PRKCG: variants seen among roughly 807,000 people sequenced by gnomAD.
PRKCG encodes protein kinase C gamma.
A neutral mutation model predicts 82.0 loss-of-function variants in PRKCG; 28 were observed. The observed-to-expected ratio is 0.34, with a 90% CI of 0.25 to 0.47. PRKCG has a LOEUF of 0.47. Among genes scored for constraint, PRKCG ranks in the 20% least tolerant of loss-of-function variants. PRKCG has a pLI of 1.00. For synonymous variants in PRKCG, 383 were observed against 376.6 expected (o/e 1.02, Z -0.20); for missense variants, 640 against 952.7 (o/e 0.67, Z 4.32).
intron 16 of PRKCG, 41 bp downstream of exon 16, chr19:53,904,783 C>T: frequency 6.7e-7 from 1 of 1,490,130 alleles, no homozygotes; most frequent in Non-Finnish European, 9.3e-7. Context: ...GGCTCACAAC[C>T]ACACACCCCA....
At chr19:53,886,403 C>T (rs901276189) in intron 3 of PRKCG, among the ~76,000 whole-genome samples, 1 of 151,718 alleles carries the variant, frequency 6.6e-6, no homozygotes, top group Non-Finnish European at 1.5e-5. Flanking sequence ...CGCACCCAGC[C>T]GATTTTTGGG....
chr19:53,891,749 C>T lies in PRKCG; in HGVS notation c.605C>T (p.Pro202Leu). The change falls in exon 6 of 18, where the codon CCA becomes CTA. Residue 202 changes from proline (P) to leucine (L), a missense_variant. Pro to Leu is a moderately conservative substitution (Grantham distance 98). Transcript: ENST00000263431. ...SDPYVKLKLI[P>L]DPRNLTKQKT... is the part of the protein sequence containing the mutation. Reference sequence around the variant, plus strand: ...CCCTATGTGAAACTGAAGCTCATCCCAGACCCTCGGAACCTGACGAAACAG... The same window carrying T: ...CCCTATGTGAAACTGAAGCTCATCCTAGACCCTCGGAACCTGACGAAACAG... 1 of 1,614,130 alleles carries T rather than the reference C, an allele frequency of 6.2e-7. No homozygotes were observed.
chr19:53,884,295 C>T lies in PRKCG; in HGVS notation c.285+52C>T. On this transcript the variant is annotated intron_variant, in intron 3 of 17. Transcript: ENST00000263431. This position sits in a 1 kb window ranked among gnomAD's most constrained non-coding sequence, Gnocchi z 4.6. Reference sequence around the variant, plus strand: ...TCCTCGGGCCGTGCCCCCGCCCTCACCCCCTCGGCGTCCGTCCCAATTTCT... The same window carrying T: ...TCCTCGGGCCGTGCCCCCGCCCTCATCCCCTCGGCGTCCGTCCCAATTTCT... The T allele has an allele frequency of 6.5e-7, 1 of 1,532,722 alleles. No individual in the cohort carries two copies. Among genetic ancestry groups the T allele is most frequent in the Non-Finnish European group, 9.0e-7 (1 of 1,107,628 alleles). 94.9% of individuals were successfully genotyped at this position (1,532,722 alleles called of 1,614,324 possible).
At position 53,904,740 on chromosome 19, in the gene PRKCG, G is replaced by C. The variant is rs781476930; in HGVS notation, c.1762G>C (p.Gly588Arg). The C allele has an allele frequency of 1.9e-6, 3 of 1,612,858 alleles. No homozygotes were observed. The highest frequency in any genetic ancestry group is 3.3e-5 in the Admixed American group (2 of 59,942). The change falls in exon 16 of 18, where the codon GGG (glycine) becomes CGG (arginine). Residue 588 changes from glycine to arginine, a missense_variant and splice_region_variant. Physicochemically the swap from Gly to Arg is moderately radical, Grantham distance 125 (BLOSUM62 -2). Coordinates refer to ENST00000263431, the MANE Select transcript of PRKCG (RefSeq NM_002739.5). ...CCGGGAAGCCGTGGCCATCTGCAAG[G>C]GGGTGAGAGCCCCCTGACTCCCAGC... ...LSREAVAICK[G>R]FLTKHPGKRL...
rs758034841 is a variant in PRKCG, at chr19:53,906,921, C to T, written c.*26C>T. On this transcript the variant is annotated 3_prime_UTR_variant, in exon 18 of 18. Coordinates refer to ENST00000263431, the MANE Select transcript of PRKCG (RefSeq NM_002739.5). ...TCTCACCCGCCGCCACTAGGTGTCC[C>T]CAACGTCCCCTCCGCCGTGCCGGCG... 1.2e-5 allele frequency: 19 copies of T among 1,613,090 alleles called. No individual in the cohort carries two copies. The highest frequency in any genetic ancestry group is 1.6e-5 in the Non-Finnish European group (19 of 1,179,828).
chr19:53,891,531 C>T (rs892453203), intron 5 of PRKCG, 143 bp from the exon 6 acceptor site: 8 of 983,916 alleles, frequency 8.1e-6, no homozygotes, highest in Non-Finnish European at 1.1e-5. Context: ...ATCCGCCCGC[C>T]TTGGCCTCCC....
At position 53,903,702 on chromosome 19, in the gene PRKCG, C is replaced by T. The variant is rs932432818; in HGVS notation, c.1656+549C>T. On this transcript the variant is annotated intron_variant, in intron 15 of 17. Coordinates refer to ENST00000263431, the MANE Select transcript of PRKCG (RefSeq NM_002739.5). ...AGGTTACACTGAACTATGAGTATGC[C>T]ACTGTGTTCCAGCACAGGCGACAGA... 9.9e-5 allele frequency among the ~76,000 whole-genome samples: 15 copies of T among 152,114 alleles called. 2 individuals carry two copies. The highest frequency in any genetic ancestry group is 8.5e-4 in the Admixed American group (13 of 15,264).
chr19:53,899,922 T>C (rs2068750245), intron 11 of PRKCG, among the ~76,000 whole-genome samples: 1 of 152,166 alleles, frequency 6.6e-6, no homozygotes, highest in South Asian at 2.1e-4. Flanking sequence ...CAGAATTGCA[T>C]CTGTGTGTGA....
chr19:53,900,252 T>C lies in PRKCG; in HGVS notation c.1301T>C (p.Met434Thr). ...FQTPDRLYFV[M>T]EYVTGGDLMY... ...CCGCAGGACCGCCTGTATTTCGTGATGGAGTACGTCACCGGGGGAGACTTG... is the reference window on the plus strand; with the variant it reads ...CCGCAGGACCGCCTGTATTTCGTGACGGAGTACGTCACCGGGGGAGACTTG... Residue 434 changes from methionine (M) to threonine (T), a missense_variant, in exon 12 of 18, where the codon ATG becomes ACG. This residue lies in a region of PRKCG where 78 missense variants were observed against 105.6 expected (regional missense o/e 0.74). Coordinates refer to ENST00000263431, the MANE Select transcript of PRKCG (RefSeq NM_002739.5). This position sits in a 1 kb window ranked among gnomAD's most constrained non-coding sequence, Gnocchi z 4.2. 1 of 1,614,160 alleles carries C rather than the reference T, an allele frequency of 6.2e-7. No homozygotes were observed. Among genetic ancestry groups the C allele is most frequent in the African/African-American group, 1.3e-5 (1 of 75,038 alleles).
rs181725087 is a variant in PRKCG, at chr19:53,890,646, A to G, written c.529+629A>G. Among the ~76,000 whole-genome samples the G allele has an allele frequency of 1.7e-4, 25 of 150,400 alleles. No homozygotes were observed. The East Asian group carries it at 4.7e-3, about 28-fold the overall frequency. On this transcript the variant is annotated intron_variant, in intron 5 of 17. Transcript: ENST00000263431. ...ACCCAGGCTGGAGTGCAGTGGTGCA[A>G]TCTTGGCTCACTGCAATCTCTGCCT...
intron 14 of PRKCG, among the ~76,000 whole-genome samples, chr19:53,902,707 C>A (rs1192101973): frequency 6.6e-6 from 1 of 151,658 alleles, no homozygotes; most frequent in East Asian, 1.9e-4. Context: ...CCAGCCTGGG[C>A]AACATAGTGA....
Position 53,882,435 on chromosome 19 carries a change from C to T in PRKCG, c.-60C>T. The T allele has an allele frequency of 1.9e-6, 3 of 1,584,944 alleles. No individual in the cohort carries two copies. The highest frequency in any genetic ancestry group is 2.3e-5 in the South Asian group (2 of 87,610). ...ATCCTTCGAGTCTCCAGCTCCTCTCCCTTCCACCTGTTTCCCCCAAGAAAG... is the reference window on the plus strand; with the variant it reads ...ATCCTTCGAGTCTCCAGCTCCTCTCTCTTCCACCTGTTTCCCCCAAGAAAG... On this transcript the variant is annotated 5_prime_UTR_variant, in exon 1 of 18. Coordinates refer to ENST00000263431, the MANE Select transcript of PRKCG (RefSeq NM_002739.5). The surrounding 1 kb of genome is among the most constrained non-coding windows in gnomAD (Gnocchi z 6.1).
chr19:53,885,925 T>G (rs1230528624), intron 3 of PRKCG, among the ~76,000 whole-genome samples: 2 of 151,582 alleles, frequency 1.3e-5, no homozygotes, highest in African/African-American at 4.8e-5. Flanking sequence ...CAAGATTTTT[T>G]TTTTTGTTTT....
At chr19:53,904,613 T>C in intron 15 of PRKCG, 22 bp from the exon 16 acceptor site, 2 of 1,603,958 alleles carry the variant, frequency 1.2e-6, no homozygotes, top group Non-Finnish European at 1.7e-6. Flanking sequence ...TCCCTGACTC[T>C]CTATCCCCTC....
At chr19:53,891,339 T>C (rs533157877) in intron 5 of PRKCG, among the ~76,000 whole-genome samples, 9 of 150,528 alleles carry the variant, frequency 6.0e-5, no homozygotes, top group African/African-American at 1.5e-4. Flanking sequence ...TGCAGTGGCG[T>C]AATCTCGGCT....
chr19:53,898,857 G>T (rs1384781205), intron 11 of PRKCG, among the ~76,000 whole-genome samples: 2 of 129,624 alleles, frequency 1.5e-5, no homozygotes. Flanking sequence ...GGGGCTCAAC[G>T]GAGGCGAGGC....
intron 9 of PRKCG, among the ~76,000 whole-genome samples, chr19:53,895,842 G>A (rs906401233): frequency 3.3e-5 from 5 of 151,998 alleles, no homozygotes; most frequent in Admixed American, 6.6e-5. Context: ...GGTGGATCAC[G>A]AGGTCAGGAG....
intron 14 of PRKCG, among the ~76,000 whole-genome samples, 189 bp from the exon 15 acceptor site, chr19:53,902,884 C>A (rs955970778): frequency 2.6e-5 from 3 of 115,144 alleles, no homozygotes; most frequent in African/African-American, 1.5e-4. Flanking sequence ...CAGAGTGAGA[C>A]CCTGTCAAAA....
At chr19:53,898,819 G>T (rs192627813) in intron 11 of PRKCG, among the ~76,000 whole-genome samples, 191 bp downstream of exon 11, 1,494 of 105,248 alleles carry the variant, frequency 0.014, 90 homozygotes, top group African/African-American at 0.057. Flanking sequence ...CAGGCGAAGG[G>T]ACTCATCGGG....
Sources: gnomAD v4.1 joint callset for allele counts (sites outside exome capture counted in the v4.1 genomes callset) on GRCh38, gnomAD v4.1.1 for gene constraint, gnomAD v4.1.1 regional missense constraint, Gnocchi (gnomAD v3.1) non-coding constraint, MANE v1.5 for transcripts, NCBI Gene and HGNC (gene_info 2026-07-23, HGNC 2026-07-21) for gene names.